Variants in HEG1 observed in about 807,000 individuals in gnomAD.
HEG1 encodes the protein heart development protein with EGF like domains 1, also known as protein HEG homolog 1.
Under a neutral mutation model 125.6 loss-of-function variants are expected in HEG1, and 56 were observed. The observed-to-expected ratio is 0.45, with a 90% confidence interval of 0.36 to 0.56. The LOEUF (loss-of-function observed/expected upper bound fraction) is 0.56. Ranked by LOEUF, HEG1 falls within the 20% of genes least tolerant of loss-of-function variation. The probability of loss-of-function intolerance (pLI) is 0.00; values close to 1 mark genes in which losing one functional copy is unlikely to be tolerated. For synonymous variants in HEG1, 644 were observed against 668.5 expected (o/e 0.96, Z 0.57); for missense variants, 1,523 against 1,670.0 (o/e 0.91, Z 1.53).
In HEG1 at chr3:125,055,668, G is replaced by C. The variant is rs1267671538; in HGVS notation, c.223C>G (p.Pro75Ala). ...CTGTAGCTGGGGCCGGGGGTCGCGG[G>C]CCCGCGGCGCTCCCGGGGCGGCGTG... is the stretch of plus-strand genomic sequence containing the variant. ...PPTPPRERRG[P>A]ATPGPSYRAP... is the part of the protein sequence containing the mutation. The change falls in exon 1 of 17, where the codon CCC becomes GCC. Residue 75 changes from proline (P) to alanine (A), a missense_variant. Pro to Ala is a conservative substitution (Grantham distance 27, BLOSUM62 -1). Transcript: ENST00000311127. 8.6e-7 allele frequency: 1 copy of C among 1,161,952 alleles called. No homozygotes were observed. The highest frequency in any genetic ancestry group is 1.6e-5 in the African/African-American group (1 of 61,510). 72.0% of individuals were successfully genotyped at this position (1,161,952 alleles called of 1,614,324 possible). A position where few individuals can be genotyped will look rare whatever the true frequency, so the allele number is the denominator to read the frequency against.
chr3:125,047,343 C>T lies in HEG1; in HGVS notation c.316+8232G>A, dbSNP rs549751857. 1.1e-4 allele frequency among the ~76,000 whole-genome samples: 16 copies of T among 152,352 alleles called. No individual in the cohort carries two copies. In the South Asian group the frequency reaches 2.3e-3, roughly 22 times the overall value. The stretch of plus-strand genomic sequence containing the variant: ...GAGCTCTCTTGCCCAGGCATCAAGC[C>T]GTCTACTTTACAGGTGTTATCTGCA... On this transcript the variant is annotated intron_variant, in intron 1 of 16. Coordinates refer to ENST00000311127, the MANE Select transcript of HEG1 (RefSeq NM_020733.2).
chr3:125,014,808 A>G, intron 5 of HEG1: 1 of 1,289,868 alleles, frequency 7.8e-7, no homozygotes, highest in Non-Finnish European at 1.0e-6. Flanking sequence ...TTCTTGGTGC[A>G]TGGCCGCTGC....
At position 125,029,337 on chromosome 3, in the gene HEG1, A is replaced by G. The variant is rs1450644801; in HGVS notation, c.468T>C (p.Ala156=). 2.5e-6 allele frequency: 4 copies of G among 1,613,840 alleles called. No individual in the cohort carries two copies. Among genetic ancestry groups the G allele is most frequent in the Non-Finnish European group, 3.4e-6 (4 of 1,179,904 alleles). ...CAGCGAGTAGAGTGAGGTTTTCTGG[A>G]GCATCCGAAGCAGCATGGCTCTTCC... ...TSGKSHAASD[A]PENLTLLAET... The change falls in exon 2 of 17, where the codon GCT becomes GCC. Residue 156 remains alanine (A), a synonymous_variant. Coordinates refer to ENST00000311127, the MANE Select transcript of HEG1 (RefSeq NM_020733.2).
At chr3:125,004,715 TTA>T (rs1937047756) in intron 9 of HEG1, among the ~76,000 whole-genome samples, 1 of 143,814 alleles carries the variant, frequency 7.0e-6, no homozygotes, top group South Asian at 2.1e-4. Context: ...GCATTTTTCT[TTA>T]AAAAAAAAAA....
chr3:125,028,122 G>A (rs1231255762), intron 2 of HEG1, among the ~76,000 whole-genome samples: 1 of 152,028 alleles, frequency 6.6e-6, no homozygotes, highest in Admixed American at 6.6e-5. Context: ...AGGCCACATC[G>A]CAGCACCTGG....
Position 125,019,468 on chromosome 3 carries a change from G to C in HEG1, c.1382C>G (p.Thr461Ser). 6.2e-7 allele frequency: 1 copy of C among 1,614,022 alleles called. No homozygotes were observed. Among genetic ancestry groups the C allele is most frequent in the Non-Finnish European group, 8.5e-7 (1 of 1,179,882 alleles). The change falls in exon 5 of 17, where the codon ACC becomes AGC. Residue 461 changes from threonine (T) to serine (S), a missense_variant. By Grantham distance (58) the Thr-to-Ser change is moderately conservative. Transcript: ENST00000311127. Reference protein sequence around the residue: ...GGEITAHWLLTNSTTSADVTG... With the variant: ...GGEITAHWLLSNSTTSADVTG... ...CACATCTGCAGATGTTGTGCTGTTG[G>C]TCAAGAGCCAGTGTGCAGTGATCTC...
chr3:124,986,482 A>C (rs932113281), intron 14 of HEG1, among the ~76,000 whole-genome samples: 1 of 152,154 alleles, frequency 6.6e-6, no homozygotes, highest in African/African-American at 2.4e-5. Context: ...TCCTTAACCA[A>C]CACCCAGGTC....
chr3:125,054,121 G>A (rs1649191490), intron 1 of HEG1, among the ~76,000 whole-genome samples: 1 of 152,248 alleles, frequency 6.6e-6, no homozygotes, highest in Admixed American at 6.5e-5. Context: ...ACTACACAGT[G>A]TTCCTCAGTT....
chr3:125,031,708 CCA>C (rs992676449), intron 1 of HEG1, among the ~76,000 whole-genome samples: 5 of 149,980 alleles, frequency 3.3e-5, no homozygotes, highest in East Asian at 1.9e-4. Context: ...CATATACCCC[CCA>C]CACACACACA....
rs747607775 is a variant in HEG1 at position 125,013,963 on chromosome 3, C to G, written c.1616G>C (p.Arg539Pro). ...SIAGISYGQV[R>P]GTAIEQRTSS... is the part of the protein sequence containing the mutation. ...AGTCCTTTGTTCAATAGCTGTGCCA[C>G]GCACTTGACCGTAGCTAATCCCAGC... Residue 539 changes from arginine to proline, a missense_variant, in exon 6 of 17, where the codon CGT becomes CCT. By Grantham distance (103) the Arg-to-Pro change is moderately radical. Transcript: ENST00000311127. The G allele has an allele frequency of 3.1e-6, 5 of 1,610,814 alleles. No individual in the cohort carries two copies. Among genetic ancestry groups the G allele is most frequent in the African/African-American group, 1.3e-5 (1 of 74,888 alleles).
At chr3:125,012,567 T>C in intron 6 of HEG1, 56 bp downstream of exon 6, 1 of 1,506,880 alleles carries the variant, frequency 6.6e-7, no homozygotes, top group Admixed American at 2.0e-5. Flanking sequence ...CCCATGTAGC[T>C]CTCAGTGCTG....
chr3:125,018,321 A>C (rs1222706963), intron 5 of HEG1, among the ~76,000 whole-genome samples: 1 of 152,212 alleles, frequency 6.6e-6, no homozygotes, highest in African/African-American at 2.4e-5. Flanking sequence ...AAAATGGACA[A>C]ATCTACAGAG....
At chr3:125,043,195 G>C (rs1261937315) in intron 1 of HEG1, among the ~76,000 whole-genome samples, 2 of 152,262 alleles carry the variant, frequency 1.3e-5, no homozygotes, top group Non-Finnish European at 2.9e-5. Context: ...GTCGGCTCTT[G>C]TTCAGCTGAG....
At chr3:124,977,727 T>C (rs922487962) in intron 15 of HEG1, 132 bp downstream of exon 15, 4 of 481,910 alleles carry the variant, frequency 8.3e-6, no homozygotes, top group East Asian at 6.9e-5. Flanking sequence ...TCTCCTTTTT[T>C]AAAAATGGGT....
intron 14 of HEG1, among the ~76,000 whole-genome samples, chr3:124,982,723 C>A (rs930062938): frequency 2.0e-5 from 3 of 152,114 alleles, no homozygotes; most frequent in African/African-American, 7.2e-5. Context: ...GCTTAGCCAC[C>A]CCCCTTCTGA....
chr3:125,055,150 A>C (rs1937902936), intron 1 of HEG1, among the ~76,000 whole-genome samples: 1 of 152,118 alleles, frequency 6.6e-6, no homozygotes, highest in Non-Finnish European at 1.5e-5. Flanking sequence ...AACCCCTTAA[A>C]AATCAGTTAT....
Position 125,033,834 on chromosome 3 carries a change from G to A in HEG1, c.317-4346C>T, listed in dbSNP as rs188726773. Among the ~76,000 whole-genome samples the A allele has an allele frequency of 3.2e-3, 485 of 152,340 alleles. 1 individual carries two copies. Among genetic ancestry groups the A allele is most frequent in the Non-Finnish European group, 5.1e-3 (344 of 68,034 alleles). ...TCCTGACAGATCAGCAGTGGCATCA[G>A]ATTCTCAAAGGAGCAAGAACATTAT... On this transcript the variant is annotated intron_variant, in intron 1 of 16. Coordinates refer to ENST00000311127, the MANE Select transcript of HEG1 (RefSeq NM_020733.2).
intron 1 of HEG1, among the ~76,000 whole-genome samples, chr3:125,048,613 G>C (rs547578498): frequency 1.3e-5 from 2 of 152,366 alleles, no homozygotes; most frequent in East Asian, 1.9e-4. Context: ...GAGGTGGCCA[G>C]TCAGATCCTG....
chr3:124,973,911 G>A lies in HEG1; in HGVS notation c.3822-6C>T. ...TTATGTCATTTTTATTCTTTCTGTG[G>A]GATACAAAAATATTTGTAAAGCTCA... On this transcript the variant is annotated splice_polypyrimidine_tract_variant and splice_region_variant and intron_variant, in intron 15 of 16. Transcript: ENST00000311127. 4 of 1,596,656 alleles carry A rather than the reference G, an allele frequency of 2.5e-6. No individual in the cohort carries two copies. Among genetic ancestry groups the A allele is most frequent in the African/African-American group, 1.3e-5 (1 of 74,250 alleles).
Sources: allele counts gnomAD v4.1 joint callset (sites outside exome capture counted in the v4.1 genomes callset), GRCh38; gene constraint gnomAD v4.1.1; transcripts MANE v1.5; gene names NCBI Gene and HGNC (gene_info 2026-07-23, HGNC 2026-07-21).